The following SASS6 variants were observed in gnomAD, a reference collection of about 807,000 sequenced individuals.
SASS6 encodes spindle assembly abnormal protein 6 homolog.
SASS6 carries 59 observed loss-of-function variants against 94.9 expected under a neutral mutation model. That is an observed-to-expected ratio of 0.62 (90% CI 0.50 to 0.77). SASS6 has a LOEUF of 0.77. Among genes scored for constraint, SASS6 ranks in the 30% least tolerant of loss-of-function variants. The pLI is 0.00. For synonymous variants in SASS6, 264 were observed against 270.0 expected (o/e 0.98, Z 0.22); for missense variants, 698 against 734.1 (o/e 0.95, Z 0.57).
Position 100,106,995 on chromosome 1 carries a change from T to G in SASS6, c.1327-2A>C. The G allele has an allele frequency of 7.9e-7, 1 of 1,261,928 alleles. No homozygotes were observed. The highest frequency in any genetic ancestry group is 1.2e-6 in the Non-Finnish European group (1 of 866,966). 78.2% of individuals were successfully genotyped at this position (1,261,928 alleles called of 1,614,324 possible). A position where few individuals can be genotyped will look rare whatever the true frequency, so the allele number is the denominator to read the frequency against. On this transcript the variant is annotated splice_acceptor_variant, in intron 11 of 16. Coordinates refer to ENST00000287482, the MANE Select transcript of SASS6 (RefSeq NM_194292.3). LOFTEE classifies it high-confidence loss of function. ...TAATTGTTCTTGTAATTTGCATACC[T>G]GAAATATATCAATCATCACAATAAG...
rs368431755 is a variant in SASS6, at chr1:100,107,917, C to A, written c.949G>T (p.Val317Phe). The change falls in exon 9 of 17, where the codon GTT becomes TTT. Residue 317 changes from valine (V) to phenylalanine (F), a missense_variant. Coordinates refer to ENST00000287482, the MANE Select transcript of SASS6 (RefSeq NM_194292.3). ...DVECHEKEKH[V>F]NQLQTKVAVL... The stretch of plus-strand genomic sequence containing the variant: ...GCCACTTTTGTTTGTAGCTGATTAA[C>A]GTGCTTTTCTTTCTCGTGGCATTCA... The A allele has an allele frequency of 6.2e-7, 1 of 1,612,170 alleles. No homozygotes were observed.
At chr1:100,115,317 A>C (rs1653710075) in intron 7 of SASS6, among the ~76,000 whole-genome samples, 1 of 152,204 alleles carries the variant, frequency 6.6e-6, no homozygotes, top group Admixed American at 6.5e-5. Context: ...TGCAGTAAAA[A>C]TCTGTAAAGT....
intron 1 of SASS6, among the ~76,000 whole-genome samples, chr1:100,131,041 C>T (rs1338796126): frequency 6.6e-6 from 1 of 152,198 alleles, no homozygotes; most frequent in African/African-American, 2.4e-5. Context: ...GGCAATGTAA[C>T]CAGAAAGAGA....
chr1:100,113,022 T>A (rs960275231), intron 7 of SASS6, among the ~76,000 whole-genome samples: 5 of 152,116 alleles, frequency 3.3e-5, no homozygotes, highest in African/African-American at 1.2e-4. Context: ...AATACAGAAA[T>A]ACAAACAAAT....
chr1:100,088,436 A>G (rs554594725), intron 14 of SASS6, among the ~76,000 whole-genome samples, 200 bp from the exon 15 acceptor site: 2 of 152,206 alleles, frequency 1.3e-5, no homozygotes, highest in Non-Finnish European at 2.9e-5. Flanking sequence ...GACTACAGGT[A>G]CACGCCACGA....
At chr1:100,101,554 T>TTA (rs1163231569) in intron 14 of SASS6, among the ~76,000 whole-genome samples, 2 of 152,036 alleles carry the variant, frequency 1.3e-5, no homozygotes, top group East Asian at 1.9e-4. Flanking sequence ...ATTTTGGACA[T>TTA]TATATATATA....
At chr1:100,126,645 C>T (rs899329642) in intron 1 of SASS6, among the ~76,000 whole-genome samples, 4 of 152,060 alleles carry the variant, frequency 2.6e-5, no homozygotes, top group African/African-American at 9.7e-5. Flanking sequence ...GGCGTGGTGG[C>T]ACCCACCTGT....
intron 1 of SASS6, among the ~76,000 whole-genome samples, chr1:100,129,075 C>CA (rs922441962): frequency 1.3e-5 from 2 of 151,856 alleles, no homozygotes; most frequent in African/African-American, 2.4e-5. Context: ...CCTATCTCTA[C>CA]AAAAAATTTA....
chr1:100,085,705 T>G, intron 15 of SASS6, 75 bp from the exon 16 acceptor site: 1 of 810,564 alleles, frequency 1.2e-6, no homozygotes, highest in Middle Eastern at 3.7e-4. Flanking sequence ...TATGTATACA[T>G]ATATATAAGA....
rs1471703343 is a variant in SASS6 at position 100,085,975 on chromosome 1, CATATTT to C, written c.1773-351_1773-346del. Among the ~76,000 whole-genome samples the C allele has an allele frequency of 4.6e-5, 7 of 152,260 alleles. No homozygotes were observed. In the South Asian group the frequency reaches 1.5e-3, roughly 32 times the overall value. On this transcript the variant is annotated intron_variant, in intron 15 of 16. Coordinates refer to ENST00000287482, the MANE Select transcript of SASS6 (RefSeq NM_194292.3). ...AGAGTAACACTATTAATTTCTAACT[CATATTT>C]AAAATAAGATTTCTTTTTCCTTTGA...
chr1:100,121,766 GC>G (rs1228834134), intron 4 of SASS6, among the ~76,000 whole-genome samples: 2 of 152,080 alleles, frequency 1.3e-5, no homozygotes, highest in Admixed American at 6.6e-5. Context: ...GAGAGAAAAA[GC>G]AAAAACTAGA....
At chr1:100,112,290 G>A (rs924714577) in intron 7 of SASS6, among the ~76,000 whole-genome samples, 3 of 151,790 alleles carry the variant, frequency 2.0e-5, no homozygotes, top group African/African-American at 7.3e-5. Flanking sequence ...TGATATGAAT[G>A]GGAAAACAAA....
At chr1:100,113,006 A>G (rs1653460146) in intron 7 of SASS6, among the ~76,000 whole-genome samples, 1 of 152,218 alleles carries the variant, frequency 6.6e-6, no homozygotes, top group Non-Finnish European at 1.5e-5. Flanking sequence ...TCCTATCAGA[A>G]AGTGCAATAC....
In SASS6 at chr1:100,121,533, C is replaced by T; in HGVS notation, c.328G>A (p.Val110Ile). The T allele has an allele frequency of 6.3e-7, 1 of 1,583,126 alleles. No individual in the cohort carries two copies. Among genetic ancestry groups the T allele is most frequent in the African/African-American group, 1.4e-5 (1 of 73,854 alleles). Reference sequence around the variant, plus strand: ...TTATCCAAAATAGCTGCTGGAGAAACTAACTGTAGCAAAAACCTTTGAAAA... The same window carrying T: ...TTATCCAAAATAGCTGCTGGAGAAATTAACTGTAGCAAAAACCTTTGAAAA... ...KEIPRFLLQL[V>I]SPAAILDNSP... The change falls in exon 5 of 17, where the codon GTT (valine) becomes ATT (isoleucine). Residue 110 changes from valine (V) to isoleucine (I), a missense_variant. Coordinates refer to ENST00000287482, the MANE Select transcript of SASS6 (RefSeq NM_194292.3).
At chr1:100,117,443 G>C (rs1285982801) in intron 7 of SASS6, among the ~76,000 whole-genome samples, 1 of 151,950 alleles carries the variant, frequency 6.6e-6, no homozygotes, top group East Asian at 1.9e-4. Flanking sequence ...ACGAGGTCAG[G>C]AGTTCAAGAC....
rs1295821308 is a variant in SASS6, at chr1:100,119,001, T to G, written c.669+17A>C. The G allele has an allele frequency of 1.3e-6, 2 of 1,495,700 alleles. No individual in the cohort carries two copies. The highest frequency in any genetic ancestry group is 2.8e-5 in the South Asian group (2 of 70,498). 92.7% of individuals were successfully genotyped at this position (1,495,700 alleles called of 1,614,324 possible). ...AGCAATAAAAGATATTTTTTCAGTT[T>G]CCTTTAATGTTCTTACCTGCAAGGC... On this transcript the variant is annotated intron_variant, in intron 7 of 16. Transcript: ENST00000287482.
chr1:100,085,385 G>C lies in SASS6; in HGVS notation c.1917C>G (p.Pro639=), dbSNP rs1040283628. Residue 639 remains proline (P), a synonymous_variant, in exon 17 of 17, where the codon CCC becomes CCG. Coordinates refer to ENST00000287482, the MANE Select transcript of SASS6 (RefSeq NM_194292.3). ...TLGALHTSSK[P]TALPSASSAY... is the part of the protein sequence containing the mutation. ...CTGAAGACGCAGAGGGGAGCGCTGT[G>C]GGTTTGGAAGATGTATGTAATGCTC... is the stretch of plus-strand genomic sequence containing the variant. The C allele has an allele frequency of 7.4e-6, 12 of 1,613,624 alleles. No homozygotes were observed. The highest frequency in any genetic ancestry group is 1.6e-4 in the Middle Eastern group (1 of 6,084).
At chr1:100,121,293 C>G in intron 5 of SASS6, 85 bp downstream of exon 5, 2 of 755,392 alleles carry the variant, frequency 2.6e-6, no homozygotes, top group Non-Finnish European at 4.2e-6. Context: ...AAAACAAAAA[C>G]TTATGGCAAT....
intron 1 of SASS6, among the ~76,000 whole-genome samples, chr1:100,130,534 CA>C (rs1332845292): frequency 2.0e-5 from 3 of 151,262 alleles, no homozygotes; most frequent in African/African-American, 7.3e-5. Flanking sequence ...AAATTAACAA[CA>C]AAAAAAAGCC....
Sources: gnomAD v4.1 joint callset for allele counts (sites outside exome capture counted in the v4.1 genomes callset) on GRCh38, gnomAD v4.1.1 for gene constraint, MANE v1.5 for transcripts, NCBI Gene and HGNC (gene_info 2026-07-23, HGNC 2026-07-21) for gene names.